SP140: variants seen among roughly 807,000 people sequenced by gnomAD.
SP140 encodes nuclear body protein SP140.
SP140 carries 81 observed loss-of-function variants against 125.0 expected under a neutral mutation model. That is an observed-to-expected ratio of 0.65 (90% CI 0.54 to 0.78). The LOEUF (loss-of-function observed/expected upper bound fraction) is 0.78, where lower values mean the gene tolerates loss of function less well. Ranked by LOEUF, SP140 falls within the 30% of genes least tolerant of loss-of-function variation. The probability of loss-of-function intolerance (pLI) is 0.00; values close to 1 mark genes in which losing one functional copy is unlikely to be tolerated. For synonymous variants in SP140, 312 were observed against 354.0 expected, an observed-to-expected ratio of 0.88 and a Z score of 1.33; for missense variants, 858 against 1,037.0, an observed-to-expected ratio of 0.83 and a Z score of 2.37.
intron 26 of SP140, 56 bp from the exon 27 acceptor site, chr2:230,312,530 G>C (rs2059412820): frequency 3.5e-6 from 4 of 1,134,988 alleles, no homozygotes; most frequent in Non-Finnish European, 5.2e-6. Flanking sequence ...CAGTTGAAAG[G>C]TGTCTCATGA....
At chr2:230,188,987 G>T in the SP140 span, among the ~76,000 whole-genome samples, 1 of 152,028 alleles carries the variant, frequency 6.6e-6, no homozygotes, top group African/African-American at 2.4e-5. Context: ...TCTAGTTTTT[G>T]TGCATAGAGG....
chr2:230,220,253 C>T (rs1203580321), intron 3 of SP140: 1 of 160,482 alleles, frequency 6.2e-6, no homozygotes, highest in African/African-American at 2.4e-5. Context: ...AACTCAGCGT[C>T]CAAATGCTTC....
At chr2:230,298,673 G>A (rs1559909) in intron 22 of SP140, among the ~76,000 whole-genome samples, 2 of 151,952 alleles carry the variant, frequency 1.3e-5, no homozygotes, top group African/African-American at 2.4e-5. Context: ...ATCCCCATGC[G>A]TCCATAACCA....
At chr2:230,309,028 A>G (rs2059082996) in intron 22 of SP140, among the ~76,000 whole-genome samples, 1 of 152,128 alleles carries the variant, frequency 6.6e-6, no homozygotes, top group South Asian at 2.1e-4. Flanking sequence ...AATGACCGGG[A>G]TTTGCTCCAC....
At chr2:230,225,122 C>G (rs1180563481), upstream of SP140, among the ~76,000 whole-genome samples, 3 of 152,232 alleles carry the variant, frequency 2.0e-5, no homozygotes, top group Non-Finnish European at 4.4e-5. Flanking sequence ...TCACTCTCCT[C>G]AAGATTTCAG....
chr2:230,226,003 C>A, intron 1 of SP140, 100 bp downstream of exon 1: 1 of 854,010 alleles, frequency 1.2e-6, no homozygotes, highest in Admixed American at 2.8e-5. Context: ...TACAGGTATA[C>A]AATAGAATTC....
In SP140 at chr2:230,255,543, G is replaced by GCA. The variant is rs746960026; in HGVS notation, c.1240+11_1240+12insCA. On this transcript the variant is annotated intron_variant, in intron 12 of 26. Coordinates refer to ENST00000392045, the MANE Select transcript of SP140 (RefSeq NM_007237.5). ...CAAGACGTGGGTCAGGTAAGGACGG[G>GCA]GGGGGGGATTTCTGGCCCTGGGCTG... 1 of 1,604,990 alleles carries GCA rather than the reference G, an allele frequency of 6.2e-7. No homozygotes were observed. The highest frequency in any genetic ancestry group is 1.4e-5 in the African/African-American group (1 of 73,420).
upstream of SP140, chr2:230,202,977 A>C (rs911527647): frequency 5.1e-5 from 27 of 528,756 alleles, no homozygotes; most frequent in South Asian, 2.3e-4. Flanking sequence ...CAACTAGATA[A>C]AGCTGGGGAA....
intron 7 of SP140, 25 bp downstream of exon 7, chr2:230,245,965 T>G (rs767052116): frequency 1.4e-6 from 2 of 1,434,474 alleles, no homozygotes; most frequent in African/African-American, 1.4e-5. Flanking sequence ...AATTAAAGCT[T>G]TATTTTTCTG....
upstream of SP140, among the ~76,000 whole-genome samples, chr2:230,220,962 T>C (rs1051294113): frequency 3.3e-5 from 5 of 151,576 alleles, no homozygotes; most frequent in Non-Finnish European, 5.9e-5. Context: ...CGGTGAGCTA[T>C]GATTGCACCA....
downstream of SP140, among the ~76,000 whole-genome samples, chr2:230,315,342 C>A (rs1016389966): frequency 1.3e-5 from 2 of 152,120 alleles, no homozygotes; most frequent in African/African-American, 4.8e-5. Flanking sequence ...AACTCACATG[C>A]CGGGGAAAGG....
At chr2:230,244,634 A>G (rs2049159319) in intron 5 of SP140, among the ~76,000 whole-genome samples, 1 of 152,202 alleles carries the variant, frequency 6.6e-6, no homozygotes, top group South Asian at 2.1e-4. Context: ...GAAATCCAGA[A>G]GAAGAGAACC....
At chr2:230,278,294 T>C (rs2055019799) in intron 15 of SP140, among the ~76,000 whole-genome samples, 1 of 152,124 alleles carries the variant, frequency 6.6e-6, no homozygotes, top group Non-Finnish European at 1.5e-5. Context: ...GGAAAACATT[T>C]ATTAAGATCC....
In SP140 at chr2:230,256,083, A is replaced by C. The variant is rs561183181; in HGVS notation, c.1240+551A>C. ...ATTTTACACTGTTGGTGGGACTGTA[A>C]ACTAGTTCAACCATTGTGGAAGTCA... On this transcript the variant is annotated intron_variant, in intron 12 of 26. Coordinates refer to ENST00000392045, the MANE Select transcript of SP140 (RefSeq NM_007237.5). 9.2e-5 allele frequency among the ~76,000 whole-genome samples: 14 copies of C among 152,314 alleles called. No individual in the cohort carries two copies. In the South Asian group the frequency reaches 2.9e-3, roughly 32 times the overall value.
In SP140 at chr2:230,292,745, T is replaced by C; in HGVS notation, c.1925T>C (p.Leu642Pro). Residue 642 changes from leucine to proline, a missense_variant, in exon 20 of 27, where the codon CTG becomes CCG. Transcript: ENST00000392045. ...GGHARSKNWR[L>P]SVRCGGWPLR... ...CATGCAAGATCAAAGAACTGGAGGCTGAGTGTGCGCTGTGGCGGGTGGCCC... is the reference window on the plus strand; with the variant it reads ...CATGCAAGATCAAAGAACTGGAGGCCGAGTGTGCGCTGTGGCGGGTGGCCC... 1 of 1,614,246 alleles carries C rather than the reference T, an allele frequency of 6.2e-7. No individual in the cohort carries two copies. The highest frequency in any genetic ancestry group is 8.5e-7 in the Non-Finnish European group (1 of 1,180,038).
At chr2:230,280,514 C>T (rs1051816028) in intron 15 of SP140, among the ~76,000 whole-genome samples, 10 of 152,064 alleles carry the variant, frequency 6.6e-5, no homozygotes, top group Non-Finnish European at 1.0e-4. Context: ...GGACCTATAT[C>T]TTCTGTGGTA....
chr2:230,309,784 G>A (rs910375715), intron 22 of SP140, 140 bp from the exon 23 acceptor site: 9 of 779,094 alleles, frequency 1.2e-5, no homozygotes, highest in Non-Finnish European at 1.9e-5. Flanking sequence ...TCCATGCCAT[G>A]TTTTTCCTTC....
chr2:230,231,003 T>C (rs2047156324), intron 1 of SP140, among the ~76,000 whole-genome samples: 2 of 152,212 alleles, frequency 1.3e-5, no homozygotes, highest in African/African-American at 4.8e-5. Flanking sequence ...ATATCTTCAA[T>C]TCACTGATTC....
chr2:230,237,246 G>C lies in SP140; in HGVS notation c.223G>C (p.Glu75Gln). 5 of 1,611,006 alleles carry C rather than the reference G, an allele frequency of 3.1e-6. No homozygotes were observed. The highest frequency in any genetic ancestry group is 4.2e-6 in the Non-Finnish European group (5 of 1,179,096). ...MGLRDRSFIS[E>Q]QMYEHFQEAF... ...CCTCCGAGACCGCTCCTTCATCTCC[G>C]AGCAGATGTATGAAGTAAGTAAGAA... The change falls in exon 2 of 27, where the codon GAG (glutamate) becomes CAG (glutamine). Residue 75 changes from glutamate to glutamine, a missense_variant. By Grantham distance (29) the Glu-to-Gln change is conservative (BLOSUM62 2). Around this residue, in one of 4 missense-constraint regions of SP140, gnomAD observed 791 missense variants for 869.5 expected, o/e 0.91. Transcript: ENST00000392045. This position sits in a 1 kb window ranked among gnomAD's most constrained non-coding sequence, Gnocchi z 5.4.
Sources: gnomAD v4.1 joint callset for allele counts (sites outside exome capture counted in the v4.1 genomes callset) on GRCh38, gnomAD v4.1.1 for gene constraint, gnomAD v4.1.1 regional missense constraint, Gnocchi (gnomAD v3.1) non-coding constraint, MANE v1.5 for transcripts, NCBI Gene and HGNC (gene_info 2026-07-23, HGNC 2026-07-21) for gene names.